The following ARFGEF1 variants were observed in gnomAD, a reference collection of about 807,000 sequenced individuals.
ARFGEF1 encodes the protein ARF guanine nucleotide exchange factor 1, also known as brefeldin A-inhibited guanine nucleotide-exchange protein 1.
In ARFGEF1, 42 loss-of-function variants were observed where a neutral mutation model predicts 231.0. That is an observed-to-expected ratio of 0.18 (90% CI 0.14 to 0.24). The LOEUF (loss-of-function observed/expected upper bound fraction) is 0.24. ARFGEF1 is among the 10% of genes least tolerant of loss of function. The probability of loss-of-function intolerance (pLI) is 1.00; values close to 1 mark genes in which losing one functional copy is unlikely to be tolerated. For synonymous variants in ARFGEF1, 710 were observed against 732.3 expected, an observed-to-expected ratio of 0.97 and a Z score of 0.49; for missense variants, 1,345 against 2,192.0, an observed-to-expected ratio of 0.61 and a Z score of 7.72.
At chr8:67,303,690 A>G (rs1035330617) in intron 1 of ARFGEF1, among the ~76,000 whole-genome samples, 1 of 151,874 alleles carries the variant, frequency 6.6e-6, no homozygotes, top group Non-Finnish European at 1.5e-5. Flanking sequence ...CTCCAGCCTC[A>G]GCGACAGAGT....
chr8:67,226,718 AC>A (rs1839386261), intron 27 of ARFGEF1, among the ~76,000 whole-genome samples: 1 of 151,948 alleles, frequency 6.6e-6, no homozygotes, highest in African/African-American at 2.4e-5. Flanking sequence ...ACTTAAGGGG[AC>A]TCCTCCTTGA....
At chr8:67,184,417 G>A (rs1430611910) in intron 5 of ARFGEF1, among the ~76,000 whole-genome samples, 1 of 152,152 alleles carries the variant, frequency 6.6e-6, no homozygotes, top group African/African-American at 2.4e-5. Flanking sequence ...TAATAAAAGA[G>A]AAGACACAAA....
At chr8:67,294,198 T>C (rs961681300) in intron 5 of ARFGEF1, among the ~76,000 whole-genome samples, 1 of 152,182 alleles carries the variant, frequency 6.6e-6, no homozygotes, top group African/African-American at 2.4e-5. Flanking sequence ...ATGCAAATAT[T>C]ACACCATTTT....
Position 67,296,493 on chromosome 8 carries a change from T to C in ARFGEF1, c.577A>G (p.Thr193Ala), listed in dbSNP as rs765029714. 1 of 1,614,046 alleles carries C rather than the reference T, an allele frequency of 6.2e-7. No homozygotes were observed. ...LASKNLINQT[T>A]AKATLTQMLN... ...ATCTGAGTGAGAGTAGCTTTGGCTG[T>C]TGTCTGATTGATGAGATTTTTGCTT... The change falls in exon 5 of 39, where the codon ACA (threonine) becomes GCA (alanine). Residue 193 changes from threonine (T) to alanine (A), a missense_variant. This residue lies in a region of ARFGEF1 where 398 missense variants were observed against 463.2 expected (regional missense o/e 0.86). Transcript: ENST00000262215.
At chr8:67,192,585 TTAA>T (rs1419613601) in intron 5 of ARFGEF1, among the ~76,000 whole-genome samples, 25 of 151,804 alleles carry the variant, frequency 1.6e-4, no homozygotes, top group African/African-American at 5.8e-4. Context: ...TTTTGGTGTC[TTAA>T]TTAAGAAACC....
intron 7 of ARFGEF1, among the ~76,000 whole-genome samples, chr8:67,283,112 C>G (rs150505047): frequency 6.6e-6 from 1 of 152,038 alleles, no homozygotes; most frequent in Non-Finnish European, 1.5e-5. Context: ...AAATAATTGC[C>G]TATATTTTGA....
intron 4 of ARFGEF1, among the ~76,000 whole-genome samples, chr8:67,297,860 G>A (rs769584973): frequency 1.3e-5 from 2 of 150,206 alleles, no homozygotes; most frequent in East Asian, 3.9e-4. Flanking sequence ...CTGAAGTGCA[G>A]TGCAGTGAAC....
intron 1 of ARFGEF1, among the ~76,000 whole-genome samples, chr8:67,334,620 T>C (rs13264289): frequency 0.47 from 70,898 of 152,092 alleles, 18,098 homozygotes; most frequent in African/African-American, 0.69. Context: ...CAAAGACTTA[T>C]ACACAAATAT....
rs1467453348 is a variant in ARFGEF1, at chr8:67,315,063, G to A, written c.125-12597C>T. 2.6e-5 allele frequency among the ~76,000 whole-genome samples: 4 copies of A among 152,218 alleles called. No homozygotes were observed. The South Asian group carries it at 6.2e-4, about 24-fold the overall frequency. On this transcript the variant is annotated intron_variant, in intron 1 of 38. Coordinates refer to ENST00000262215, the MANE Select transcript of ARFGEF1 (RefSeq NM_006421.5). Reference sequence around the variant, plus strand: ...CATACCCACACACCTATATGATATAGTAGGATGAAAGTAAACAGATGGAAA... The same window carrying A: ...CATACCCACACACCTATATGATATAATAGGATGAAAGTAAACAGATGGAAA...
intron 1 of ARFGEF1, among the ~76,000 whole-genome samples, chr8:67,339,708 G>A (rs1007506051): frequency 6.9e-6 from 1 of 144,102 alleles, no homozygotes; most frequent in African/African-American, 2.6e-5. Context: ...GAGAGCTGTA[G>A]TAGGGCAGGT....
rs185469115 is a variant in ARFGEF1 at position 67,198,597 on chromosome 8, A to G, written c.*337T>C. ...GAGTTGTACTTCTTGTAGAAGTTCA[A>G]TCTTTACATCTATAGTTCTTTGGGT... is the stretch of plus-strand genomic sequence containing the variant. On this transcript the variant is annotated 3_prime_UTR_variant, in exon 39 of 39. Transcript: ENST00000262215. 6.6e-4 allele frequency: 683 copies of G among 1,035,620 alleles called. 5 individuals are homozygous for G. The African/African-American group carries it at 0.011, about 17-fold the overall frequency. The allele number at this position is 1,035,620 out of a possible 1,614,324, so 64.2% of individuals were successfully genotyped here.
At chr8:67,260,907 GAGA>G (rs1804589945) in intron 14 of ARFGEF1, among the ~76,000 whole-genome samples, 1 of 152,192 alleles carries the variant, frequency 6.6e-6, no homozygotes, top group East Asian at 1.9e-4. Context: ...TGCTGATATG[GAGA>G]AGGTTTTCAC....
intron 9 of ARFGEF1, 108 bp downstream of exon 9, chr8:67,275,868 T>A (rs922031941): frequency 7.1e-7 from 1 of 1,407,234 alleles, no homozygotes; most frequent in Admixed American, 2.7e-5. Context: ...AATTTTTTTT[T>A]ATGGTTCTAT....
At chr8:67,288,827 T>C (rs1805873404) in intron 6 of ARFGEF1, among the ~76,000 whole-genome samples, 1 of 152,102 alleles carries the variant, frequency 6.6e-6, no homozygotes. Context: ...TGAAGAAGCA[T>C]CTGGGCCTTC....
intron 5 of ARFGEF1, among the ~76,000 whole-genome samples, chr8:67,192,159 GCCCCAGTGGGGTTCA>G (rs899912325): frequency 2.0e-5 from 3 of 149,388 alleles, no homozygotes; most frequent in African/African-American, 7.4e-5. Flanking sequence ...TGCACCCTCT[GCCCCAGTGGGGTTCA>G]AGGGATTCTC....
chr8:67,222,228 T>TACACACAC (rs1839214695), intron 29 of ARFGEF1, among the ~76,000 whole-genome samples: 4 of 5,762 alleles, frequency 6.9e-4, no homozygotes, highest in African/African-American at 1.1e-3. Context: ...TATATATGTA[T>TACACACAC]ATGTATGTAT....
intron 7 of ARFGEF1, among the ~76,000 whole-genome samples, chr8:67,282,847 C>CAAA (rs113498447): frequency 1.7e-5 from 2 of 116,290 alleles, no homozygotes; most frequent in African/African-American, 3.2e-5. Flanking sequence ...GACTTCATCT[C>CAAA]AAAAAAAAAA....
chr8:67,343,723 G>T lies in ARFGEF1; in HGVS notation c.-436C>A. On this transcript the variant is annotated 5_prime_UTR_variant, in exon 1 of 39. Coordinates refer to ENST00000262215, the MANE Select transcript of ARFGEF1 (RefSeq NM_006421.5). ...TACTGTGGGGATTAGCACCCGCCGC[G>T]GCCGCGAACTGGCCCCCATCACCGC... is the stretch of plus-strand genomic sequence containing the variant. 1 of 562,992 alleles carries T rather than the reference G, an allele frequency of 1.8e-6. No individual in the cohort carries two copies. Among genetic ancestry groups the T allele is most frequent in the Non-Finnish European group, 2.3e-6 (1 of 442,588 alleles). The allele number at this position is 562,992 out of a possible 1,614,324, so 34.9% of individuals were successfully genotyped here. A position where few individuals can be genotyped will look rare whatever the true frequency, so the allele number is the denominator to read the frequency against.
chr8:67,321,028 T>G (rs1321772652), intron 1 of ARFGEF1, among the ~76,000 whole-genome samples: 1 of 152,018 alleles, frequency 6.6e-6, no homozygotes, highest in Admixed American at 6.6e-5. Context: ...CCTAAATGCA[T>G]GCTGAGTGAA....
Sources: gnomAD v4.1 joint callset for allele counts (sites outside exome capture counted in the v4.1 genomes callset) on GRCh38, gnomAD v4.1.1 for gene constraint, gnomAD v4.1.1 regional missense constraint, MANE v1.5 for transcripts, NCBI Gene and HGNC (gene_info 2026-07-23, HGNC 2026-07-21) for gene names.